The following HSF2 variants were observed in gnomAD, a reference collection of about 807,000 sequenced individuals.
The protein encoded by HSF2 is heat shock factor protein 2.
Under a neutral mutation model 65.0 loss-of-function variants are expected in HSF2, and 21 were observed. The observed-to-expected ratio is 0.32, with a 90% CI of 0.23 to 0.47. The LOEUF (loss-of-function observed/expected upper bound fraction) is 0.47, where lower values mean the gene tolerates loss of function less well. Among genes scored for constraint, HSF2 ranks in the 20% least tolerant of loss-of-function variants. The probability of loss-of-function intolerance (pLI) is 1.00; values close to 1 mark genes in which losing one functional copy is unlikely to be tolerated. For missense variants in HSF2, 499 were observed against 628.1 expected, an observed-to-expected ratio of 0.79 and a Z score of 2.20; for synonymous variants, 225 against 219.1, an observed-to-expected ratio of 1.03 and a Z score of -0.24.
At chr6:122,427,718 G>C (rs150231798) in intron 10 of HSF2, among the ~76,000 whole-genome samples, 185 bp from the exon 11 acceptor site, 1 of 151,936 alleles carries the variant, frequency 6.6e-6, no homozygotes, top group Non-Finnish European at 1.5e-5. Context: ...TAATGCATGG[G>C]CTAGCTTGTT....
intron 4 of HSF2, among the ~76,000 whole-genome samples, chr6:122,414,291 A>C (rs1774073238): frequency 6.6e-6 from 1 of 152,182 alleles, no homozygotes; most frequent in Non-Finnish European, 1.5e-5. Flanking sequence ...CTTCTTAGTA[A>C]GTAGCTGGAA....
Position 122,420,151 on chromosome 6 carries a change from A to G in HSF2, c.610A>G (p.Thr204Ala). ...GGTTTTCAGGCCTCTACTTCTAAAC[A>G]CTAATGGAGCCCAAAAGAAGAACCT... ...LKRKRPLLLNTNGAQKKNLFQ... is the reference protein window; with the variant it reads ...LKRKRPLLLNANGAQKKNLFQ... The change falls in exon 7 of 13, where the codon ACT (threonine) becomes GCT (alanine). Residue 204 changes from threonine (T) to alanine (A), a missense_variant. Thr to Ala is a moderately conservative substitution (Grantham distance 58, BLOSUM62 0). Around this residue, in one of 2 missense-constraint regions of HSF2, gnomAD observed 349 missense variants for 393.5 expected, o/e 0.89. Coordinates refer to ENST00000368455, the MANE Select transcript of HSF2 (RefSeq NM_004506.4). 6.2e-7 allele frequency: 1 copy of G among 1,610,524 alleles called. No individual in the cohort carries two copies. Among genetic ancestry groups the G allele is most frequent in the Non-Finnish European group, 8.5e-7 (1 of 1,178,256 alleles).
At chr6:122,427,071 T>G (rs1774354359) in intron 10 of HSF2, among the ~76,000 whole-genome samples, 1 of 152,032 alleles carries the variant, frequency 6.6e-6, no homozygotes, top group Admixed American at 6.6e-5. Context: ...TTTCATTATG[T>G]ATGTTTCTGT....
intron 8 of HSF2, 35 bp downstream of exon 8, chr6:122,422,333 T>TTGA (rs1482776054): frequency 1.6e-5 from 23 of 1,441,576 alleles, no homozygotes; most frequent in Non-Finnish European, 2.2e-5. Context: ...TATGAAAATA[T>TTGA]TGATTACTTT....
At chr6:122,419,129 AC>A in intron 5 of HSF2, 38 bp from the exon 6 acceptor site, 1 of 945,042 alleles carries the variant, frequency 1.1e-6, no homozygotes, top group Non-Finnish European at 1.7e-6. Flanking sequence ...AAAAGAATTA[AC>A]AGTATAATGA....
chr6:122,423,574 T>C lies in HSF2; in HGVS notation c.1071-7T>C. 1 of 1,541,870 alleles carries C rather than the reference T, an allele frequency of 6.5e-7. No homozygotes were observed. Among genetic ancestry groups the C allele is most frequent in the Non-Finnish European group, 8.8e-7 (1 of 1,141,248 alleles). On this transcript the variant is annotated splice_polypyrimidine_tract_variant and splice_region_variant and intron_variant, in intron 9 of 12. Coordinates refer to ENST00000368455, the MANE Select transcript of HSF2 (RefSeq NM_004506.4). ...ATATTTGATTAAAAAAATTTTTTTT[T>C]CCTTAGGGTTGAGCTGTTGGATTAT...
intron 4 of HSF2, 69 bp downstream of exon 4, chr6:122,413,718 G>A: frequency 7.7e-7 from 1 of 1,299,494 alleles, no homozygotes; most frequent in Non-Finnish European, 1.1e-6. Flanking sequence ...GTTGAGTTTG[G>A]AGGTTGTCTG....
chr6:122,417,972 A>G (rs1018407870), intron 5 of HSF2, among the ~76,000 whole-genome samples: 1 of 152,174 alleles, frequency 6.6e-6, no homozygotes, highest in South Asian at 2.1e-4. Flanking sequence ...TAAAATGTCT[A>G]TATTTTTTTC....
intron 12 of HSF2, among the ~76,000 whole-genome samples, 167 bp downstream of exon 12, chr6:122,431,681 TAAG>T (rs1424316762): frequency 4.6e-4 from 7 of 15,268 alleles, no homozygotes; most frequent in Non-Finnish European, 9.1e-4. Flanking sequence ...AACAATTCTT[TAAG>T]TTTTTTTTTT....
chr6:122,407,252 A>G (rs1347278745), intron 1 of HSF2, among the ~76,000 whole-genome samples: 1 of 152,204 alleles, frequency 6.6e-6, no homozygotes, highest in African/African-American at 2.4e-5. Context: ...CTCCTGGTGT[A>G]TATAAGCAAG....
At chr6:122,427,343 T>C (rs535534146) in intron 10 of HSF2, among the ~76,000 whole-genome samples, 2 of 152,150 alleles carry the variant, frequency 1.3e-5, no homozygotes, top group East Asian at 3.9e-4. Flanking sequence ...CTGGCTGGAC[T>C]GAGGAGTGCA....
chr6:122,412,816 G>A, intron 3 of HSF2, 52 bp downstream of exon 3: 1 of 1,549,234 alleles, frequency 6.5e-7, no homozygotes, highest in African/African-American at 1.4e-5. Context: ...GAGTGTGCTT[G>A]GCCAAGATTT....
chr6:122,415,878 G>T (rs1174518814), intron 4 of HSF2, among the ~76,000 whole-genome samples: 2 of 152,116 alleles, frequency 1.3e-5, no homozygotes, highest in African/African-American at 2.4e-5. Context: ...TTAGCTGGTT[G>T]TGGTGGCACA....
chr6:122,425,185 T>C (rs1047164914), intron 10 of HSF2, among the ~76,000 whole-genome samples: 5 of 152,090 alleles, frequency 3.3e-5, no homozygotes, highest in African/African-American at 1.2e-4. Flanking sequence ...CCATTCTGCT[T>C]CTCTAACTCC....
chr6:122,410,509 C>T (rs1319302601), intron 1 of HSF2, among the ~76,000 whole-genome samples: 3 of 151,822 alleles, frequency 2.0e-5, no homozygotes, highest in Admixed American at 2.0e-4. Flanking sequence ...CACCATCCAT[C>T]TCCAGAACAA....
At chr6:122,421,898 G>T (rs1774242780) in intron 7 of HSF2, among the ~76,000 whole-genome samples, 1 of 151,892 alleles carries the variant, frequency 6.6e-6, no homozygotes, top group Non-Finnish European at 1.5e-5. Flanking sequence ...ATTTTTAGGG[G>T]TGTCATCTTC....
At chr6:122,419,958 C>T (rs890328540) in intron 6 of HSF2, among the ~76,000 whole-genome samples, 177 bp from the exon 7 acceptor site, 1 of 152,112 alleles carries the variant, frequency 6.6e-6, no homozygotes, top group African/African-American at 2.4e-5. Flanking sequence ...TAGATATTCT[C>T]ATCCAGCAGT....
chr6:122,418,714 C>T (rs755651380), intron 5 of HSF2, among the ~76,000 whole-genome samples: 1 of 152,114 alleles, frequency 6.6e-6, no homozygotes, highest in Non-Finnish European at 1.5e-5. Flanking sequence ...TGAAGCAATC[C>T]TCCTACCTAG....
intron 10 of HSF2, among the ~76,000 whole-genome samples, chr6:122,425,793 G>T (rs576247): frequency 0.55 from 82,763 of 151,774 alleles, 22,803 homozygotes; most frequent in South Asian, 0.68. Context: ...AGAGATTTTG[G>T]CTTGTAAGAT....
Sources: gnomAD v4.1 joint callset for allele counts (sites outside exome capture counted in the v4.1 genomes callset) on GRCh38, gnomAD v4.1.1 for gene constraint, gnomAD v4.1.1 regional missense constraint, MANE v1.5 for transcripts, NCBI Gene and HGNC (gene_info 2026-07-23, HGNC 2026-07-21) for gene names.